The following IHH variants were observed in gnomAD, a reference collection of about 807,000 sequenced individuals.
IHH encodes indian hedgehog protein.
In IHH, 9 loss-of-function variants were observed where a neutral mutation model predicts 29.4. That is an observed-to-expected ratio of 0.31 (90% CI 0.18 to 0.53). IHH has a LOEUF of 0.53. Ranked by LOEUF, IHH falls within the 20% of genes least tolerant of loss-of-function variation. The pLI is 0.95. For missense variants in IHH, 454 were observed against 578.1 expected, an observed-to-expected ratio of 0.79 and a Z score of 2.20; for synonymous variants, 254 against 252.7, an observed-to-expected ratio of 1.01 and a Z score of -0.05.
In IHH at chr2:219,060,410, G is replaced by A; in HGVS notation, c.58C>T (p.Leu20=). The A allele has an allele frequency of 6.3e-7, 1 of 1,597,730 alleles. No individual in the cohort carries two copies. Reference sequence around the variant, plus strand: ...CAGCCCCATGCCGCCGGCACCACCAGCAGCAGCAACAGGACCAGGCAGAAG... The same window carrying A: ...CAGCCCCATGCCGCCGGCACCACCAACAGCAGCAACAGGACCAGGCAGAAG... ...LHFCLVLLLL[L]VVPAAWGCGP... Residue 20 remains leucine, a synonymous_variant, in exon 1 of 3, where the codon CTG becomes TTG. Transcript: ENST00000295731. The surrounding 1 kb of genome is among the most constrained non-coding windows in gnomAD (Gnocchi z 8.8).
At position 219,060,043 on chromosome 2, in the gene IHH, G is replaced by T. The variant is rs1355644465; in HGVS notation, c.315+110C>A. The T allele has an allele frequency of 5.1e-6, 5 of 971,058 alleles. No homozygotes were observed. Among genetic ancestry groups the T allele is most frequent in the Non-Finnish European group, 7.7e-6 (5 of 646,590 alleles). The allele number at this position is 971,058 out of a possible 1,614,324, so 60.2% of individuals were successfully genotyped here. Reference sequence around the variant, plus strand: ...GCAGCGGGGCTTGGCGAGAGGGGCAGGTGCCAGGGAGCGTGCCAGCCAGTC... The same window carrying T: ...GCAGCGGGGCTTGGCGAGAGGGGCATGTGCCAGGGAGCGTGCCAGCCAGTC... On this transcript the variant is annotated intron_variant, in intron 1 of 2. Coordinates refer to ENST00000295731, the MANE Select transcript of IHH (RefSeq NM_002181.4). This position sits in a 1 kb window ranked among gnomAD's most constrained non-coding sequence, Gnocchi z 8.8.
chr2:219,054,853 A>C lies in IHH; in HGVS notation c.*354T>G. ...ATCAACTGAGGCGCAAGCCCACCCA[A>C]AGGGGCCTAAGATGGATGGAATGGG... On this transcript the variant is annotated 3_prime_UTR_variant, in exon 3 of 3. Coordinates refer to ENST00000295731, the MANE Select transcript of IHH (RefSeq NM_002181.4). 3.7e-6 allele frequency: 1 copy of C among 272,710 alleles called. No individual in the cohort carries two copies. The highest frequency in any genetic ancestry group is 7.0e-6 in the Non-Finnish European group (1 of 142,270). The allele number at this position is 272,710 out of a possible 1,614,324, so 16.9% of individuals were successfully genotyped here.
Position 219,055,171 on chromosome 2 carries a change from G to T in IHH, c.*36C>A, listed in dbSNP as rs775160759. 6.5e-7 allele frequency: 1 copy of T among 1,549,566 alleles called. No homozygotes were observed. The highest frequency in any genetic ancestry group is 1.4e-5 in the African/African-American group (1 of 73,058). On this transcript the variant is annotated 3_prime_UTR_variant, in exon 3 of 3. Transcript: ENST00000295731. ...CCTGGCTGAGAGGCTTCTGGACCCA[G>T]TACAGCAGTTCCAGGAGGGCAGCGG...
chr2:219,057,891 G>A (rs962915507), intron 1 of IHH, among the ~76,000 whole-genome samples, 197 bp from the exon 2 acceptor site: 13 of 152,258 alleles, frequency 8.5e-5, no homozygotes, highest in Admixed American at 8.5e-4. Context: ...AGCCGCCCCC[G>A]GGGATCTGGA....
chr2:219,060,453 C>A lies in IHH; in HGVS notation c.15G>T (p.Arg5=). 1 of 1,535,502 alleles carries A rather than the reference C, an allele frequency of 6.5e-7. No homozygotes were observed. The highest frequency in any genetic ancestry group is 8.7e-7 in the Non-Finnish European group (1 of 1,145,368). The change falls in exon 1 of 3, where the codon CGG becomes CGT. Residue 5 remains arginine, a synonymous_variant. Transcript: ENST00000295731. This position sits in a 1 kb window ranked among gnomAD's most constrained non-coding sequence, Gnocchi z 8.8. The stretch of plus-strand genomic sequence containing the variant: ...GGCAGAAGTGCAGTCGGGGCCGGAG[C>A]CGGGCGGGAGACATGGCCGGGGAGC... MSPA[R]LRPRLHFCLV... is the part of the protein sequence containing the mutation.
chr2:219,057,847 C>T (rs72967954), intron 1 of IHH, among the ~76,000 whole-genome samples, 153 bp from the exon 2 acceptor site: 7 of 152,188 alleles, frequency 4.6e-5, no homozygotes, highest in African/African-American at 1.4e-4. Context: ...CCCTTAGGAA[C>T]AGAGGGCCCT....
chr2:219,059,504 G>A lies in IHH; in HGVS notation c.315+649C>T, dbSNP rs751112346. 6.6e-6 allele frequency among the ~76,000 whole-genome samples: 1 copy of A among 152,080 alleles called. No individual in the cohort carries two copies. The highest frequency in any genetic ancestry group is 1.5e-5 in the Non-Finnish European group (1 of 68,004). On this transcript the variant is annotated intron_variant, in intron 1 of 2. Coordinates refer to ENST00000295731, the MANE Select transcript of IHH (RefSeq NM_002181.4). This position sits in a 1 kb window ranked among gnomAD's most constrained non-coding sequence, Gnocchi z 4.7. The stretch of plus-strand genomic sequence containing the variant: ...CCTAAGCTCAGTCCCAGAGCCCGAA[G>A]GCCCCAATAACCCACCCTTCCACCG...
intron 1 of IHH, among the ~76,000 whole-genome samples, chr2:219,058,418 G>C (rs1361753634): frequency 6.6e-6 from 1 of 152,206 alleles, no homozygotes; most frequent in African/African-American, 2.4e-5. Flanking sequence ...GCCCAATGGG[G>C]GGCCACATGC....
At chr2:219,057,883 C>A (rs989045393) in intron 1 of IHH, among the ~76,000 whole-genome samples, 189 bp from the exon 2 acceptor site, 1 of 152,260 alleles carries the variant, frequency 6.6e-6, no homozygotes, top group African/African-American at 2.4e-5. Context: ...TAGCATACAG[C>A]CGCCCCCGGG....
intron 1 of IHH, among the ~76,000 whole-genome samples, chr2:219,058,276 C>G (rs1948848382): frequency 6.6e-6 from 1 of 152,156 alleles, no homozygotes; most frequent in Non-Finnish European, 1.5e-5. Context: ...GGGGAATCGC[C>G]GGCCTGCCTG....
At position 219,059,802 on chromosome 2, in the gene IHH, G is replaced by T. The variant is rs1309145195; in HGVS notation, c.315+351C>A. On this transcript the variant is annotated intron_variant, in intron 1 of 2. Transcript: ENST00000295731. This position sits in a 1 kb window ranked among gnomAD's most constrained non-coding sequence, Gnocchi z 4.7. ...CTGTGCAGAAGGTTAGGCCGGGAGGGACTGCGTGGGTCCTGGAGGCGCAGG... is the reference window on the plus strand; with the variant it reads ...CTGTGCAGAAGGTTAGGCCGGGAGGTACTGCGTGGGTCCTGGAGGCGCAGG... Among the ~76,000 whole-genome samples the T allele has an allele frequency of 6.6e-6, 1 of 152,226 alleles. No individual in the cohort carries two copies.
intron 2 of IHH, among the ~76,000 whole-genome samples, chr2:219,056,885 T>C (rs1321126577): frequency 6.6e-6 from 1 of 152,222 alleles, no homozygotes; most frequent in African/African-American, 2.4e-5. Context: ...TTGAGTCCAC[T>C]TTGTTTAGTC....
chr2:219,056,766 T>C (rs540273394), intron 2 of IHH, among the ~76,000 whole-genome samples: 4 of 152,172 alleles, frequency 2.6e-5, no homozygotes, highest in African/African-American at 9.6e-5. Flanking sequence ...CCTCCATGGC[T>C]GGGTTCAGTG....
At chr2:219,058,948 C>T (rs577938447) in intron 1 of IHH, among the ~76,000 whole-genome samples, 11 of 152,296 alleles carry the variant, frequency 7.2e-5, no homozygotes, top group South Asian at 2.1e-4. Context: ...GAGGGAGCTC[C>T]GCTTGCTCCT....
At position 219,054,584 on chromosome 2, in the gene IHH, G is replaced by C. The variant is rs548611734; in HGVS notation, c.*623C>G. The stretch of plus-strand genomic sequence containing the variant: ...GTTCAGCAGAAGGGGGAGCTTAGCC[G>C]GGGGGGTGGCAAGCACATCCAACCC... On this transcript the variant is annotated 3_prime_UTR_variant, in exon 3 of 3. Transcript: ENST00000295731. The C allele has an allele frequency of 6.5e-6, 1 of 152,716 alleles. No homozygotes were observed. Among genetic ancestry groups the C allele is most frequent in the Non-Finnish European group, 1.5e-5 (1 of 68,270 alleles). 9.5% of individuals were successfully genotyped at this position (152,716 alleles called of 1,614,324 possible).
rs1574689746 is a variant in IHH, at chr2:219,060,716, C to A, written c.-249G>T. On this transcript the variant is annotated 5_prime_UTR_variant, in exon 1 of 3. Transcript: ENST00000295731. This position sits in a 1 kb window ranked among gnomAD's most constrained non-coding sequence, Gnocchi z 8.8. ...GACTCTGAGCTGCCGGGCTCGCCGG[C>A]CGCCAATAAATAGGCCGGCCCGTTT... Among the ~76,000 whole-genome samples, 1 of 150,146 alleles carries A rather than the reference C, an allele frequency of 6.7e-6. No homozygotes were observed. The highest frequency in any genetic ancestry group is 2.4e-5 in the African/African-American group (1 of 41,124).
intron 1 of IHH, among the ~76,000 whole-genome samples, chr2:219,058,326 C>T (rs1333273015): frequency 2.0e-5 from 3 of 152,150 alleles, no homozygotes; most frequent in African/African-American, 7.2e-5. Context: ...CCGGGACCCT[C>T]TTATAATCTT....
intron 1 of IHH, 53 bp from the exon 2 acceptor site, chr2:219,057,747 C>T: frequency 1.3e-6 from 2 of 1,596,882 alleles, no homozygotes; most frequent in Middle Eastern, 1.9e-4. Flanking sequence ...CCGGAGGAGC[C>T]GGCCGAGGTG....
intron 1 of IHH, among the ~76,000 whole-genome samples, chr2:219,058,971 C>A (rs1364796066): frequency 6.6e-6 from 1 of 152,204 alleles, no homozygotes; most frequent in Non-Finnish European, 1.5e-5. Context: ...GTAGACCCTG[C>A]CGTCAGGCTT....
Sources: allele counts gnomAD v4.1 joint callset (sites outside exome capture counted in the v4.1 genomes callset), GRCh38; gene constraint gnomAD v4.1.1; non-coding constraint Gnocchi (gnomAD v3.1); transcripts MANE v1.5; gene names NCBI Gene and HGNC (gene_info 2026-07-23, HGNC 2026-07-21).